The following TSPAN18 variants were observed in gnomAD, a reference collection of about 807,000 sequenced individuals.
TSPAN18 encodes the protein tetraspanin 18.
TSPAN18 carries 14 observed loss-of-function variants against 27.3 expected under a neutral mutation model. That is an observed-to-expected ratio of 0.51 (90% CI 0.34 to 0.80). The LOEUF is 0.80. Ranked by LOEUF, TSPAN18 falls within the 30% of genes least tolerant of loss-of-function variation. The pLI, the probability that TSPAN18 is intolerant of heterozygous loss-of-function variation, is 0.01. For missense variants in TSPAN18, 268 were observed against 323.9 expected (o/e 0.83, Z 1.32); for synonymous variants, 143 against 136.5 (o/e 1.05, Z -0.33).
chr11:44,730,949 G>A lies in TSPAN18; in HGVS notation c.-240+3662G>A, dbSNP rs988720127. On this transcript the variant is annotated intron_variant, in intron 1 of 9. Transcript: ENST00000520358. ...TTTGAAACACTTTTTATAAAGAATG[G>A]GAGAGTAAGATGGTGAGCCTGTGTT... Among the ~76,000 whole-genome samples, 4 of 152,150 alleles carry A rather than the reference G, an allele frequency of 2.6e-5. No individual in the cohort carries two copies. In the East Asian group the frequency reaches 5.8e-4, roughly 22 times the overall value.
chr11:44,915,467 C>T (rs1305731843), intron 5 of TSPAN18, among the ~76,000 whole-genome samples: 1 of 152,206 alleles, frequency 6.6e-6, no homozygotes, highest in African/African-American at 2.4e-5. Context: ...ACCCCACCCT[C>T]ATCATACTCT....
At chr11:44,882,627 C>CACATACACAGAG (rs375349718) in intron 3 of TSPAN18, among the ~76,000 whole-genome samples, 1 of 130,608 alleles carries the variant, frequency 7.7e-6, no homozygotes, top group Non-Finnish European at 1.6e-5. Flanking sequence ...CACACACACA[C>CACATACACAGAG]AGAGAGAGAG....
chr11:44,779,752 C>T (rs1855894334), intron 2 of TSPAN18, among the ~76,000 whole-genome samples: 1 of 152,182 alleles, frequency 6.6e-6, no homozygotes, highest in Non-Finnish European at 1.5e-5. Context: ...CATACCTGTG[C>T]ACACCTATCC....
At chr11:44,836,574 C>T (rs1407948673) in intron 2 of TSPAN18, among the ~76,000 whole-genome samples, 1 of 152,150 alleles carries the variant, frequency 6.6e-6, no homozygotes. Context: ...GGCGGCGATA[C>T]AAAACAACAG....
intron 2 of TSPAN18, among the ~76,000 whole-genome samples, chr11:44,787,952 C>G (rs759296136): frequency 1.3e-5 from 2 of 152,184 alleles, no homozygotes; most frequent in Non-Finnish European, 2.9e-5. Context: ...TCACTGTGGA[C>G]CTACTAGGAG....
chr11:44,892,444 C>A lies in TSPAN18; in HGVS notation c.-10-13963C>A, dbSNP rs1001735015. On this transcript the variant is annotated intron_variant, in intron 3 of 9. Transcript: ENST00000520358. ...CAAACACTCTTCCTAATGGAGTGACCTCCGTGCTTCTGTGCTCCCCCCAAT... is the reference window on the plus strand; with the variant it reads ...CAAACACTCTTCCTAATGGAGTGACATCCGTGCTTCTGTGCTCCCCCCAAT... 5.3e-5 allele frequency among the ~76,000 whole-genome samples: 8 copies of A among 152,240 alleles called. No homozygotes were observed. In the East Asian group the frequency reaches 1.5e-3, roughly 29 times the overall value.
chr11:44,892,187 G>A (rs1014486556), intron 3 of TSPAN18, among the ~76,000 whole-genome samples: 11 of 152,198 alleles, frequency 7.2e-5, no homozygotes, highest in African/African-American at 2.7e-4. Context: ...ACACCTGGAT[G>A]TCTGCTTCTC....
intron 2 of TSPAN18, among the ~76,000 whole-genome samples, chr11:44,830,944 TA>T (rs530825203): frequency 6.6e-6 from 1 of 151,278 alleles, no homozygotes; most frequent in Non-Finnish European, 1.5e-5. Flanking sequence ...AATTCACACT[TA>T]AAAAAAAATG....
chr11:44,778,721 G>A (rs1186929219), intron 2 of TSPAN18, among the ~76,000 whole-genome samples: 1 of 152,162 alleles, frequency 6.6e-6, no homozygotes, highest in African/African-American at 2.4e-5. Flanking sequence ...CTGGTGCCAG[G>A]TGGGGCCCTG....
At chr11:44,794,819 G>A (rs959644088) in intron 2 of TSPAN18, among the ~76,000 whole-genome samples, 3 of 152,216 alleles carry the variant, frequency 2.0e-5, no homozygotes, top group Non-Finnish European at 4.4e-5. Context: ...GAAAGCGCCT[G>A]TCTGATGAAG....
intron 3 of TSPAN18, among the ~76,000 whole-genome samples, chr11:44,877,009 G>A (rs1039331648): frequency 6.6e-6 from 1 of 152,214 alleles, no homozygotes; most frequent in African/African-American, 2.4e-5. Flanking sequence ...TGCAGCGGAC[G>A]CCAGGATGGA....
intron 2 of TSPAN18, among the ~76,000 whole-genome samples, chr11:44,819,263 C>T (rs923020723): frequency 2.0e-5 from 3 of 152,124 alleles, no homozygotes; most frequent in Non-Finnish European, 2.9e-5. Flanking sequence ...TTTGCACCCA[C>T]GCAAGCTGCT....
At chr11:44,909,399 G>A in intron 4 of TSPAN18, 1 of 326,342 alleles carries the variant, frequency 3.1e-6, no homozygotes. Context: ...CTACAGGTCT[G>A]ACATTTCAAG....
At chr11:44,861,874 C>A (rs1345239457) in intron 3 of TSPAN18, among the ~76,000 whole-genome samples, 2 of 151,412 alleles carry the variant, frequency 1.3e-5, no homozygotes, top group Admixed American at 1.3e-4. Flanking sequence ...TGGTACTTCA[C>A]GTTCCAAAAA....
intron 2 of TSPAN18, among the ~76,000 whole-genome samples, chr11:44,791,314 T>C (rs1047254616): frequency 2.0e-5 from 3 of 152,122 alleles, no homozygotes; most frequent in Non-Finnish European, 4.4e-5. Flanking sequence ...CCTCCCACTT[T>C]GGGGGGTAGC....
Position 44,769,118 on chromosome 11 carries a change from A to G in TSPAN18, c.-153+4606A>G, listed in dbSNP as rs1295429467. ...CATCATTTTGGCCAGGCTAGTCTTG[A>G]ACTCCTGACCTCGTGATCCACCTGC... On this transcript the variant is annotated intron_variant, in intron 2 of 9. Transcript: ENST00000520358. 6.6e-5 allele frequency among the ~76,000 whole-genome samples: 10 copies of G among 152,050 alleles called. No individual in the cohort carries two copies. The East Asian group carries it at 1.9e-3, about 29-fold the overall frequency.
At chr11:44,790,814 C>T (rs1338888324) in intron 2 of TSPAN18, among the ~76,000 whole-genome samples, 1 of 152,178 alleles carries the variant, frequency 6.6e-6, no homozygotes, top group Non-Finnish European at 1.5e-5. Flanking sequence ...GTAGCTAATT[C>T]ACAGAGTCGG....
Position 44,864,218 on chromosome 11 carries a change from C to T in TSPAN18, c.-11+3749C>T, listed in dbSNP as rs1857972738. Among the ~76,000 whole-genome samples the T allele has an allele frequency of 2.1e-5, 3 of 141,494 alleles. 1 individual carries two copies. Among genetic ancestry groups the T allele is most frequent in the South Asian group, 4.4e-4 (2 of 4,560 alleles). The allele number at this position is 141,494 out of a possible 152,430, so 92.8% of individuals were successfully genotyped here. A position where few individuals can be genotyped will look rare whatever the true frequency, so the allele number is the denominator to read the frequency against. On this transcript the variant is annotated intron_variant, in intron 3 of 9. Coordinates refer to ENST00000520358, the MANE Select transcript of TSPAN18 (RefSeq NM_130783.5). ...GGGAGAATTGCTTGAACCTGGAAGG[C>T]AGAGGTTGCAGTGAGCCAAGACCGC...
At chr11:44,808,698 G>T (rs756493108) in intron 2 of TSPAN18, among the ~76,000 whole-genome samples, 1 of 152,136 alleles carries the variant, frequency 6.6e-6, no homozygotes, top group East Asian at 1.9e-4. Context: ...TGGAGAAAAC[G>T]ATATAATTTA....
Sources: gnomAD v4.1 joint callset for allele counts (sites outside exome capture counted in the v4.1 genomes callset) on GRCh38, gnomAD v4.1.1 for gene constraint, MANE v1.5 for transcripts, NCBI Gene and HGNC (gene_info 2026-07-23, HGNC 2026-07-21) for gene names.